GPR176: variants seen among roughly 807,000 people sequenced by gnomAD.
The protein encoded by GPR176 is G-protein coupled receptor 176.
A neutral mutation model predicts 35.4 loss-of-function variants in GPR176; 26 were observed. The observed-to-expected ratio is 0.74, with a 90% CI of 0.54 to 1.02. The LOEUF (loss-of-function observed/expected upper bound fraction) is 1.02, where lower values mean the gene tolerates loss of function less well. GPR176 is among the 50% of genes least tolerant of loss of function. GPR176 has a pLI of 0.00. For missense variants in GPR176, 597 were observed against 665.3 expected (o/e 0.90, Z 1.13); for synonymous variants, 278 against 271.3 (o/e 1.02, Z -0.24).
chr15:39,901,271 T>C (rs2033268392), intron 1 of GPR176, among the ~76,000 whole-genome samples: 1 of 152,210 alleles, frequency 6.6e-6, no homozygotes, highest in Admixed American at 6.5e-5. Context: ...TAGTTATTAC[T>C]TATAGGATAT....
chr15:39,838,281 A>G (rs1022002778), intron 1 of GPR176, among the ~76,000 whole-genome samples: 12 of 152,262 alleles, frequency 7.9e-5, no homozygotes, highest in Admixed American at 2.0e-4. Flanking sequence ...CTCAAAATAA[A>G]TGCCCCATTT....
At chr15:39,822,637 T>C (rs1269535276) in intron 1 of GPR176, among the ~76,000 whole-genome samples, 2 of 152,244 alleles carry the variant, frequency 1.3e-5, no homozygotes, top group African/African-American at 2.4e-5. Flanking sequence ...AAAAATCATG[T>C]AAACTTTAAG....
intron 1 of GPR176, among the ~76,000 whole-genome samples, chr15:39,841,759 G>T (rs1407174366): frequency 6.6e-6 from 1 of 152,132 alleles, no homozygotes; most frequent in African/African-American, 2.4e-5. Context: ...TGATACAGCA[G>T]CCCAGGAAAC....
intron 1 of GPR176, chr15:39,829,246 G>A: frequency 6.8e-7 from 1 of 1,471,366 alleles, no homozygotes; most frequent in South Asian, 1.3e-5. Context: ...TGTGTCGCTG[G>A]AAAAGCCACT....
At chr15:39,908,117 T>C (rs2033474227) in intron 1 of GPR176, among the ~76,000 whole-genome samples, 1 of 152,240 alleles carries the variant, frequency 6.6e-6, no homozygotes, top group Admixed American at 6.5e-5. Flanking sequence ...CCTGGACCTC[T>C]GCCTCTGCAC....
intron 1 of GPR176, among the ~76,000 whole-genome samples, chr15:39,858,001 AGAAAAAAAAG>A (rs2031350292): frequency 6.6e-6 from 1 of 151,502 alleles, no homozygotes; most frequent in Admixed American, 6.6e-5. Flanking sequence ...GAAAGAAAAA[AGAAAAAAAAG>A]GAAACTCTAA....
chr15:39,843,679 T>C (rs556366103), intron 1 of GPR176, among the ~76,000 whole-genome samples: 1 of 152,134 alleles, frequency 6.6e-6, no homozygotes, highest in Non-Finnish European at 1.5e-5. Flanking sequence ...ATACAATAAA[T>C]CTCTCTCTAG....
intron 1 of GPR176, among the ~76,000 whole-genome samples, chr15:39,893,791 C>G (rs1277058415): frequency 1.4e-4 from 19 of 137,862 alleles, no homozygotes; most frequent in Non-Finnish European, 2.2e-4. Flanking sequence ...CTGACCCCCC[C>G]ACCTCCCTCC....
Position 39,877,522 on chromosome 15 carries a change from C to T in GPR176, c.172+42333G>A, listed in dbSNP as rs1044759385. 3.9e-4 allele frequency among the ~76,000 whole-genome samples: 59 copies of T among 151,594 alleles called. 1 individual carries two copies. The highest frequency in any genetic ancestry group is 6.8e-3 in the Middle Eastern group (2 of 294). ...GCATCAAGCCCAGGACTCCTGGCTCCTAATCACATGCTCTTCTTCTTCTTC... is the reference window on the plus strand; with the variant it reads ...GCATCAAGCCCAGGACTCCTGGCTCTTAATCACATGCTCTTCTTCTTCTTC... On this transcript the variant is annotated intron_variant, in intron 1 of 2. Coordinates refer to ENST00000561100, the MANE Select transcript of GPR176 (RefSeq NM_007223.3).
At chr15:39,813,266 G>A (rs542062782) in intron 1 of GPR176, 2 of 152,080 alleles carry the variant, frequency 1.3e-5, no homozygotes, top group South Asian at 4.2e-4. Flanking sequence ...TTATTTCTTT[G>A]TGTAGACACA....
At chr15:39,901,918 A>AC (rs1230892373) in intron 1 of GPR176, among the ~76,000 whole-genome samples, 1 of 135,690 alleles carries the variant, frequency 7.4e-6, no homozygotes, top group Non-Finnish European at 1.7e-5. Flanking sequence ...TACCAAAAAT[A>AC]CAAAAAAAAA....
chr15:39,898,485 A>G (rs2033183834), intron 1 of GPR176, among the ~76,000 whole-genome samples: 1 of 152,248 alleles, frequency 6.6e-6, no homozygotes, highest in African/African-American at 2.4e-5. Context: ...AGAGAGTGAA[A>G]GGAACAGCTG....
intron 1 of GPR176, among the ~76,000 whole-genome samples, chr15:39,915,248 G>A (rs1166799518): frequency 2.0e-5 from 3 of 152,194 alleles, no homozygotes; most frequent in African/African-American, 7.2e-5. Context: ...GTTGGGTTCT[G>A]GGGAGGGCCT....
Position 39,801,217 on chromosome 15 carries a change from T to G in GPR176, c.1463A>C (p.Gln488Pro). The stretch of plus-strand genomic sequence containing the variant: ...CCTGCCTACCTTGGGCACCTTTGTC[T>G]GGATCAGCTCTTCTGGGGTGTTGCC... ...PLGNTPEELI[Q>P]TKVPKVGRVE... The change falls in exon 3 of 3, where the codon CAG becomes CCG. Residue 488 changes from glutamine (Q) to proline (P), a missense_variant. Coordinates refer to ENST00000561100, the MANE Select transcript of GPR176 (RefSeq NM_007223.3). 6.2e-7 allele frequency: 1 copy of G among 1,614,140 alleles called. No individual in the cohort carries two copies. Among genetic ancestry groups the G allele is most frequent in the Non-Finnish European group, 8.5e-7 (1 of 1,179,954 alleles).
intron 1 of GPR176, among the ~76,000 whole-genome samples, chr15:39,895,060 C>A (rs2033059928): frequency 6.6e-6 from 1 of 152,240 alleles, no homozygotes; most frequent in South Asian, 2.1e-4. Flanking sequence ...GAAACCCGGT[C>A]TCCACCAAAA....
intron 1 of GPR176, among the ~76,000 whole-genome samples, chr15:39,861,179 CA>C (rs2031565355): frequency 6.6e-6 from 1 of 152,170 alleles, no homozygotes; most frequent in South Asian, 2.1e-4. Flanking sequence ...TCAACCATGA[CA>C]TAACGTAAAC....
chr15:39,847,936 T>C (rs1175957983), intron 1 of GPR176, among the ~76,000 whole-genome samples: 1 of 151,996 alleles, frequency 6.6e-6, no homozygotes. Context: ...AAACTTACAA[T>C]CATGGCCGAA....
At chr15:39,864,095 G>A (rs2031725842) in intron 1 of GPR176, among the ~76,000 whole-genome samples, 1 of 152,100 alleles carries the variant, frequency 6.6e-6, no homozygotes, top group Non-Finnish European at 1.5e-5. Flanking sequence ...TGAAAAGCGT[G>A]GTAAATATGT....
At chr15:39,832,258 G>C (rs1901136140) in intron 1 of GPR176, among the ~76,000 whole-genome samples, 1 of 152,126 alleles carries the variant, frequency 6.6e-6, no homozygotes, top group African/African-American at 2.4e-5. Context: ...AACCCTCATA[G>C]ACTGCTGGTG....
Sources: gnomAD v4.1 joint callset for allele counts (sites outside exome capture counted in the v4.1 genomes callset) on GRCh38, gnomAD v4.1.1 for gene constraint, MANE v1.5 for transcripts, NCBI Gene and HGNC (gene_info 2026-07-23, HGNC 2026-07-21) for gene names.